ING3: variants seen among roughly 807,000 people sequenced by gnomAD.
The protein encoded by ING3 is inhibitor of growth protein 3.
ING3 carries 6 observed loss-of-function variants against 64.8 expected under a neutral mutation model. That is an observed-to-expected ratio of 0.09 (90% confidence interval 0.05 to 0.18). The LOEUF (loss-of-function observed/expected upper bound fraction) is 0.18, where lower values mean the gene tolerates loss of function less well. Among genes scored for constraint, ING3 ranks in the 10% least tolerant of loss-of-function variants. The pLI, the probability that ING3 is intolerant of heterozygous loss-of-function variation, is 1.00. For missense variants in ING3, 310 were observed against 489.7 expected (o/e 0.63, Z 3.46); for synonymous variants, 170 against 173.7 (o/e 0.98, Z 0.17).
intron 11 of ING3, among the ~76,000 whole-genome samples, chr7:120,973,528 A>G (rs910504212): frequency 1.3e-5 from 2 of 152,164 alleles, no homozygotes; most frequent in African/African-American, 4.8e-5. Context: ...TTTACTAAAA[A>G]ATACTGTGTT....
chr7:120,972,770 A>T (rs1323075239), intron 10 of ING3, among the ~76,000 whole-genome samples: 1 of 152,180 alleles, frequency 6.6e-6, no homozygotes, highest in African/African-American at 2.4e-5. Flanking sequence ...TGAAGAGCAA[A>T]AGAAAAATGA....
At chr7:120,967,706 A>G in intron 7 of ING3, 58 bp downstream of exon 7, 1 of 1,496,742 alleles carries the variant, frequency 6.7e-7, no homozygotes, top group South Asian at 1.3e-5. Flanking sequence ...GTAAGGGGAA[A>G]TAAAGTGTTT....
rs1796011913 is a variant in ING3 at position 120,967,518 on chromosome 7, T to C, written c.437-11T>C. 4.6e-6 allele frequency: 7 copies of C among 1,507,336 alleles called. No homozygotes were observed. The highest frequency in any genetic ancestry group is 6.3e-6 in the Non-Finnish European group (7 of 1,107,076). The allele number at this position is 1,507,336 out of a possible 1,614,324, so 93.4% of individuals were successfully genotyped here. Reference sequence around the variant, plus strand: ...AGTTTAAAAACACATGAATTTTTTATTTATATTTAGAAAGGAAATATAATC... The same window carrying C: ...AGTTTAAAAACACATGAATTTTTTACTTATATTTAGAAAGGAAATATAATC... On this transcript the variant is annotated splice_polypyrimidine_tract_variant and intron_variant, in intron 6 of 11. Coordinates refer to ENST00000315870, the MANE Select transcript of ING3 (RefSeq NM_019071.3).
chr7:120,956,579 A>G (rs192952997), intron 4 of ING3: 1,053 of 992,654 alleles, frequency 1.1e-3, no homozygotes, highest in Non-Finnish European at 1.2e-3. Context: ...AATGGTGCTA[A>G]CAACCTGGGC....
Position 120,967,940 on chromosome 7 carries a change from G to C in ING3, c.563G>C (p.Arg188Pro). The C allele has an allele frequency of 6.2e-7, 1 of 1,613,920 alleles. No individual in the cohort carries two copies. Among genetic ancestry groups the C allele is most frequent in the Non-Finnish European group, 8.5e-7 (1 of 1,179,942 alleles). Residue 188 changes from arginine to proline, a missense_variant, in exon 8 of 12, where the codon CGA (arginine) becomes CCA (proline). Arg to Pro is a moderately radical substitution (Grantham distance 103, BLOSUM62 -2). This residue lies in a region of ING3 where 233 missense variants were observed against 289.4 expected (regional missense o/e 0.81). Transcript: ENST00000315870. ...CTTTTTTACATCTACACAGGTTGTC[G>C]AAATAATAATTCCACAGCCTCTTCT... ...DASKENTLGC[R>P]NNNSTASSNN...
chr7:120,965,488 C>G (rs1374168501), intron 5 of ING3, among the ~76,000 whole-genome samples: 3 of 152,112 alleles, frequency 2.0e-5, no homozygotes, highest in Non-Finnish European at 4.4e-5. Flanking sequence ...AGGTAATGTA[C>G]ATAAAAGCAG....
chr7:120,956,204 A>G (rs1001230915), intron 4 of ING3: 4 of 1,606,894 alleles, frequency 2.5e-6, no homozygotes, highest in Non-Finnish European at 3.4e-6. Flanking sequence ...TAGATAGAAT[A>G]TTCACTATTT....
At chr7:120,973,986 C>G (rs987899872) in intron 11 of ING3, among the ~76,000 whole-genome samples, 26 of 152,142 alleles carry the variant, frequency 1.7e-4, no homozygotes, top group African/African-American at 6.3e-4. Context: ...AACATGCTCA[C>G]GTAGATTGGG....
In ING3 at chr7:120,974,988, G is replaced by A; in HGVS notation, c.*144G>A. ...TACATAGACAATCCTATAAGATCTT[G>A]AACTTGAATTTTATGGGTTGTATTT... On this transcript the variant is annotated 3_prime_UTR_variant, in exon 12 of 12. Coordinates refer to ENST00000315870, the MANE Select transcript of ING3 (RefSeq NM_019071.3). The A allele has an allele frequency of 2.0e-6, 1 of 490,370 alleles. No homozygotes were observed. Among genetic ancestry groups the A allele is most frequent in the Non-Finnish European group, 3.6e-6 (1 of 275,566 alleles). The allele number at this position is 490,370 out of a possible 1,614,324, so 30.4% of individuals were successfully genotyped here. A position where few individuals can be genotyped will look rare whatever the true frequency, so the allele number is the denominator to read the frequency against.
chr7:120,959,006 C>G (rs1268712863), intron 4 of ING3, among the ~76,000 whole-genome samples: 1 of 152,192 alleles, frequency 6.6e-6, no homozygotes, highest in Non-Finnish European at 1.5e-5. Context: ...TTAACTGACC[C>G]TATTGGTAAA....
chr7:120,956,963 A>G (rs910420768), intron 4 of ING3: 4 of 416,280 alleles, frequency 9.6e-6, no homozygotes, highest in Non-Finnish European at 1.3e-5. Context: ...TAACATAAAT[A>G]TATGCTTTTT....
chr7:120,968,925 C>G (rs1796032610), intron 8 of ING3, 86 bp from the exon 9 acceptor site: 1 of 766,070 alleles, frequency 1.3e-6, no homozygotes, highest in Admixed American at 2.9e-5. Context: ...TTTGATAAAC[C>G]AAAATAAAAC....
intron 3 of ING3, among the ~76,000 whole-genome samples, chr7:120,954,751 T>TA (rs1037745782): frequency 2.6e-5 from 4 of 151,682 alleles, no homozygotes; most frequent in African/African-American, 9.7e-5. Context: ...CCCTCTTTTT[T>TA]AAAAAAAAAT....
intron 5 of ING3, 73 bp downstream of exon 5, chr7:120,964,911 C>T: frequency 8.1e-7 from 1 of 1,230,334 alleles, no homozygotes. Context: ...CCTTGTCCCA[C>T]AGAGGCTTTT....
In ING3 at chr7:120,953,342, T is replaced by A; in HGVS notation, c.139T>A (p.Phe47Ile). ...ACTAGAACAAAGAGTCAGTGAATTC[T>A]TTATGAATGCAAAGAAAAATAAACC... ...DQLEQRVSEF[F>I]MNAKKNKPEW... The change falls in exon 3 of 12, where the codon TTT (phenylalanine) becomes ATT (isoleucine). Residue 47 changes from phenylalanine to isoleucine, a missense_variant. Transcript: ENST00000315870. 6.2e-7 allele frequency: 1 copy of A among 1,607,826 alleles called. No individual in the cohort carries two copies. The highest frequency in any genetic ancestry group is 8.5e-7 in the Non-Finnish European group (1 of 1,177,418).
At chr7:120,964,410 C>T (rs950952070) in intron 4 of ING3, among the ~76,000 whole-genome samples, 7 of 152,072 alleles carry the variant, frequency 4.6e-5, no homozygotes, top group Non-Finnish European at 1.0e-4. Flanking sequence ...AGTGACCAGC[C>T]TCCACCATCC....
intron 4 of ING3, 175 bp downstream of exon 4, chr7:120,955,799 CAG>C: frequency 1.6e-6 from 1 of 606,984 alleles, no homozygotes; most frequent in Non-Finnish European, 2.9e-6. Context: ...GTGGAAAAGT[CAG>C]AGTGGTTAGT....
chr7:120,961,338 A>G (rs954359134), intron 4 of ING3, among the ~76,000 whole-genome samples: 44 of 152,256 alleles, frequency 2.9e-4, no homozygotes, highest in African/African-American at 9.6e-4. Flanking sequence ...TTTACTCGCT[A>G]TTACTAGACC....
chr7:120,961,474 T>C (rs1379193530), intron 4 of ING3, among the ~76,000 whole-genome samples: 1 of 152,200 alleles, frequency 6.6e-6, no homozygotes, highest in Non-Finnish European at 1.5e-5. Flanking sequence ...TTGGAAGCAG[T>C]AGATCATGTA....
Sources: gnomAD v4.1 joint callset for allele counts (sites outside exome capture counted in the v4.1 genomes callset) on GRCh38, gnomAD v4.1.1 for gene constraint, gnomAD v4.1.1 regional missense constraint, MANE v1.5 for transcripts, NCBI Gene and HGNC (gene_info 2026-07-23, HGNC 2026-07-21) for gene names.